DCHS2: variants seen among roughly 807,000 people sequenced by gnomAD.
DCHS2 encodes dachsous cadherin-related 2, also known as protocadherin-23.
Under a neutral mutation model 182.4 loss-of-function variants are expected in DCHS2, and 142 were observed. That is an observed-to-expected ratio of 0.78 (90% confidence interval 0.68 to 0.89). DCHS2 has a LOEUF of 0.89. Among genes scored for constraint, DCHS2 ranks in the 40% least tolerant of loss-of-function variants. DCHS2 has a pLI of 0.00. For missense variants in DCHS2, 4,319 were observed against 4,198.6 expected, an observed-to-expected ratio of 1.03 and a Z score of -0.79; for synonymous variants, 1,740 against 1,663.3, an observed-to-expected ratio of 1.05 and a Z score of -1.12.
intron 3 of DCHS2, among the ~76,000 whole-genome samples, chr4:154,348,079 A>G (rs566355547): frequency 1.3e-5 from 2 of 152,124 alleles, no homozygotes; most frequent in African/African-American, 4.8e-5. Flanking sequence ...GGATACTGAC[A>G]CAAGTTGGCA....
At chr4:154,350,342 C>A (rs1729549243) in intron 3 of DCHS2, among the ~76,000 whole-genome samples, 1 of 152,228 alleles carries the variant, frequency 6.6e-6, no homozygotes, top group African/African-American at 2.4e-5. Flanking sequence ...ACAAGCAAAT[C>A]ATTGGAAAAT....
chr4:154,360,320 A>T (rs891249146), intron 3 of DCHS2, among the ~76,000 whole-genome samples: 1 of 152,142 alleles, frequency 6.6e-6, no homozygotes, highest in African/African-American at 2.4e-5. Context: ...AATCCCTTCC[A>T]GCCTCAATTT....
Position 154,342,082 on chromosome 4 carries a change from GAC to G in DCHS2, c.2477-6980_2477-6979del, listed in dbSNP as rs1392633380. 6.6e-5 allele frequency among the ~76,000 whole-genome samples: 10 copies of G among 152,018 alleles called. No individual in the cohort carries two copies. The South Asian group carries it at 8.3e-4, about 13-fold the overall frequency. ...AAGCCAATACTGCAAAAAAAAGTGA[GAC>G]ACAGAAATTTTTTGATTTTCCAGTG... On this transcript the variant is annotated intron_variant, in intron 3 of 19. Coordinates refer to ENST00000357232, the MANE Select transcript of DCHS2 (RefSeq NM_001358235.2).
intron 1 of DCHS2, among the ~76,000 whole-genome samples, chr4:154,405,106 C>G (rs762749411): frequency 6.6e-6 from 1 of 151,940 alleles, no homozygotes; most frequent in Non-Finnish European, 1.5e-5. Flanking sequence ...AAAAATTAGC[C>G]AGGCCTGGTG....
chr4:154,464,859 G>A (rs932101213), intron 1 of DCHS2, among the ~76,000 whole-genome samples: 4 of 152,158 alleles, frequency 2.6e-5, no homozygotes, highest in African/African-American at 4.8e-5. Flanking sequence ...TTCCTGAGGA[G>A]TAAAGCTGAA....
chr4:154,442,413 A>G (rs920499657), intron 1 of DCHS2, among the ~76,000 whole-genome samples: 2 of 151,880 alleles, frequency 1.3e-5, no homozygotes, highest in Admixed American at 1.3e-4. Context: ...GAGTCCCCCA[A>G]ACCCCTTGAC....
Position 154,255,592 on chromosome 4 carries a change from A to G in DCHS2, c.6868T>C (p.Phe2290Leu). Residue 2290 changes from phenylalanine (F) to leucine (L), a missense_variant, in exon 16 of 20, where the codon TTC becomes CTC. Coordinates refer to ENST00000357232, the MANE Select transcript of DCHS2 (RefSeq NM_001358235.2). ...SILSGNQEEAFQIDALSGVIT... is the reference protein window; with the variant it reads ...SILSGNQEEALQIDALSGVIT... ...ACACCACTCAGTGCATCAATCTGGA[A>G]TGCTTCTTCTTGGTTGCCAGACAGA... 1 of 1,614,070 alleles carries G rather than the reference A, an allele frequency of 6.2e-7. No individual in the cohort carries two copies. The highest frequency in any genetic ancestry group is 8.5e-7 in the Non-Finnish European group (1 of 1,179,976).
intron 2 of DCHS2, among the ~76,000 whole-genome samples, chr4:154,376,398 T>C (rs1225212085): frequency 6.6e-6 from 1 of 151,852 alleles, no homozygotes; most frequent in Admixed American, 6.6e-5. Flanking sequence ...ATACTCAAAT[T>C]AGGAAAAAGA....
chr4:154,273,785 T>C (rs535019745), intron 13 of DCHS2, among the ~76,000 whole-genome samples: 1 of 39,548 alleles, frequency 2.5e-5, no homozygotes, highest in African/African-American at 5.4e-5. Flanking sequence ...AATCTTGCAA[T>C]GCCTGTGCTT....
intron 13 of DCHS2, among the ~76,000 whole-genome samples, chr4:154,290,126 C>G (rs1200505282): frequency 2.0e-5 from 3 of 151,966 alleles, no homozygotes; most frequent in African/African-American, 7.2e-5. Flanking sequence ...TACAAAAATT[C>G]ATGGCATATT....
At chr4:154,343,849 CTG>C (rs1477844477) in intron 3 of DCHS2, among the ~76,000 whole-genome samples, 2 of 152,222 alleles carry the variant, frequency 1.3e-5, no homozygotes, top group African/African-American at 2.4e-5. Context: ...ATTCGGATAA[CTG>C]TGCAAGAGGC....
intron 8 of DCHS2, 120 bp from the exon 9 acceptor site, chr4:154,321,342 G>C (rs1432296217): frequency 5.4e-6 from 6 of 1,118,270 alleles, no homozygotes; most frequent in Non-Finnish European, 7.0e-6. Flanking sequence ...ATGTTAATTA[G>C]TGAGAAAAAT....
chr4:154,481,322 C>T (rs891235417), intron 1 of DCHS2, among the ~76,000 whole-genome samples: 1 of 152,110 alleles, frequency 6.6e-6, no homozygotes, highest in African/African-American at 2.4e-5. Flanking sequence ...GGTGCAGTGG[C>T]GCAATCATGG....
intron 1 of DCHS2, among the ~76,000 whole-genome samples, chr4:154,456,781 T>A (rs1734787057): frequency 6.6e-6 from 1 of 152,178 alleles, no homozygotes; most frequent in Non-Finnish European, 1.5e-5. Flanking sequence ...GTAGATGAAC[T>A]TGTTGACATC....
At chr4:154,436,396 G>A (rs982564971) in intron 1 of DCHS2, among the ~76,000 whole-genome samples, 3 of 152,040 alleles carry the variant, frequency 2.0e-5, no homozygotes, top group Non-Finnish European at 4.4e-5. Context: ...GGGATGCAGT[G>A]TTTCTGATTA....
In DCHS2 at chr4:154,320,472, C is replaced by A. The variant is rs1240725065; in HGVS notation, c.4927G>T (p.Ala1643Ser). Residue 1643 changes from alanine (A) to serine (S), a missense_variant, in exon 9 of 20, where the codon GCT becomes TCT. Ala to Ser is a moderately conservative substitution (Grantham distance 99). Transcript: ENST00000357232. ...TTCCTTCCTTCGTCTGGATCGTGAG[C>A]AGTTATGTGGTGGACCAAGGAGCCC... ...TVGSLVHHIT[A>S]HDPDEGRNGK... 1.2e-6 allele frequency: 2 copies of A among 1,614,062 alleles called. No individual in the cohort carries two copies. The highest frequency in any genetic ancestry group is 1.7e-5 in the Admixed American group (1 of 59,998).
rs761820833 is a variant in DCHS2 at position 154,339,451 on chromosome 4, CT to C, written c.2477-4348del. Among the ~76,000 whole-genome samples the C allele has an allele frequency of 8.2e-3, 1,155 of 141,146 alleles. 7 individuals carry two copies. Among genetic ancestry groups the C allele is most frequent in the African/African-American group, 0.016 (634 of 38,616 alleles). 92.6% of individuals were successfully genotyped at this position (141,146 alleles called of 152,430 possible). ...TAAAAGTAATAATCACATGAACAAACTTTTTTTTTTTTTTTTGAGATGGAGT... is the reference window on the plus strand; with the variant it reads ...TAAAAGTAATAATCACATGAACAAACTTTTTTTTTTTTTTTGAGATGGAGT... On this transcript the variant is annotated intron_variant, in intron 3 of 19. Coordinates refer to ENST00000357232, the MANE Select transcript of DCHS2 (RefSeq NM_001358235.2).
intron 1 of DCHS2, among the ~76,000 whole-genome samples, chr4:154,388,891 CGTCT>C (rs1269337943): frequency 6.6e-6 from 1 of 152,040 alleles, no homozygotes; most frequent in East Asian, 1.9e-4. Flanking sequence ...AGGCATTGGC[CGTCT>C]GTCTATTGAA....
chr4:154,395,886 A>C (rs907926230), intron 1 of DCHS2, among the ~76,000 whole-genome samples: 4 of 152,196 alleles, frequency 2.6e-5, no homozygotes, highest in Admixed American at 2.6e-4. Flanking sequence ...AGGTTTATTA[A>C]CTCAACTTGT....
Sources: allele counts gnomAD v4.1 joint callset (sites outside exome capture counted in the v4.1 genomes callset), GRCh38; gene constraint gnomAD v4.1.1; transcripts MANE v1.5; gene names NCBI Gene and HGNC (gene_info 2026-07-23, HGNC 2026-07-21).